Variants in PARD3B observed in about 807,000 individuals in gnomAD.
The protein encoded by PARD3B is par-3 family cell polarity regulator beta.
A neutral mutation model predicts 130.2 loss-of-function variants in PARD3B; 103 were observed. The ratio of observed to expected loss-of-function variants is 0.79; its 90% CI spans 0.67 to 0.93. The LOEUF (loss-of-function observed/expected upper bound fraction) is 0.93, where lower values mean the gene tolerates loss of function less well. Ranked by LOEUF, PARD3B falls within the 40% of genes least tolerant of loss-of-function variation. PARD3B has a pLI of 0.00. For missense variants in PARD3B, 1,609 were observed against 1,499.2 expected (o/e 1.07, Z -1.21); for synonymous variants, 583 against 553.2 (o/e 1.05, Z -0.76).
intron 2 of PARD3B, among the ~76,000 whole-genome samples, chr2:204,938,128 A>T (rs1312825682): frequency 6.6e-6 from 1 of 152,172 alleles, no homozygotes; most frequent in Admixed American, 6.5e-5. Context: ...GTCTGGCTGG[A>T]TGTCCAGATT....
At chr2:204,558,424 A>G (rs572228504) in intron 1 of PARD3B, among the ~76,000 whole-genome samples, 316 of 152,340 alleles carry the variant, frequency 2.1e-3, no homozygotes, top group Non-Finnish European at 2.9e-3. Flanking sequence ...CCAAATCATG[A>G]GTGAACTCCC....
intron 2 of PARD3B, among the ~76,000 whole-genome samples, chr2:204,879,251 G>A (rs2045953088): frequency 1.3e-5 from 2 of 152,164 alleles, no homozygotes. Flanking sequence ...CATCTCAGAT[G>A]ACAGGTCAAG....
At chr2:204,796,395 C>T (rs1299889815) in intron 2 of PARD3B, among the ~76,000 whole-genome samples, 1 of 152,218 alleles carries the variant, frequency 6.6e-6, no homozygotes, top group African/African-American at 2.4e-5. Context: ...GAAAATGCCA[C>T]AGTCAGAAAG....
chr2:205,559,019 C>T (rs1409166832), intron 22 of PARD3B, among the ~76,000 whole-genome samples: 2 of 152,136 alleles, frequency 1.3e-5, no homozygotes, highest in African/African-American at 2.4e-5. Flanking sequence ...AACATAAGGC[C>T]ATGTATACAG....
rs1159173231 is a variant in PARD3B at position 205,401,024 on chromosome 2, A to G, written c.2642A>G (p.Lys881Arg). 6.9e-6 allele frequency: 11 copies of G among 1,597,796 alleles called. No homozygotes were observed. The Middle Eastern group carries it at 1.5e-3, about 217-fold the overall frequency. The change falls in exon 19 of 23, where the codon AAG becomes AGG. Residue 881 changes from lysine to arginine, a missense_variant. Transcript: ENST00000406610. ...TCACGTTTCACTAGATTTGGAAAGAAGAAAGAGGATAAGGGTGGAAAGGCT... is the reference window on the plus strand; with the variant it reads ...TCACGTTTCACTAGATTTGGAAAGAGGAAAGAGGATAAGGGTGGAAAGGCT... ...GFGAMLRFGK[K>R]KEDKGGKAEQ...
chr2:205,474,523 A>G (rs906965089), intron 20 of PARD3B, among the ~76,000 whole-genome samples: 1 of 152,306 alleles, frequency 6.6e-6, no homozygotes, highest in South Asian at 2.1e-4. Context: ...TTAAGGTTGC[A>G]TGATAACTGT....
At chr2:205,476,449 A>C (rs1268776955) in intron 20 of PARD3B, among the ~76,000 whole-genome samples, 2 of 152,134 alleles carry the variant, frequency 1.3e-5, no homozygotes, top group Non-Finnish European at 2.9e-5. Flanking sequence ...TAAATTTCTG[A>C]GTAGCCTGTT....
rs961332835 is a variant in PARD3B, at chr2:205,522,590, T to G, written c.3180+22559T>G. Among the ~76,000 whole-genome samples the G allele has an allele frequency of 1.1e-4, 17 of 152,022 alleles. 2 individuals are homozygous for G. The highest frequency in any genetic ancestry group is 4.1e-4 in the African/African-American group (17 of 41,480). On this transcript the variant is annotated intron_variant, in intron 21 of 22. Transcript: ENST00000406610. ...TACTTACTGAGTTCCTATAGTATTA[T>G]AATTCCAGGCACCATGAAGGTGCTG...
chr2:205,364,252 A>G (rs1280929177), intron 18 of PARD3B, among the ~76,000 whole-genome samples: 1 of 152,216 alleles, frequency 6.6e-6, no homozygotes, highest in Non-Finnish European at 1.5e-5. Flanking sequence ...CTGAAGTCCC[A>G]TAGCTTAGTG....
chr2:204,886,934 C>T (rs2046289382), intron 2 of PARD3B, among the ~76,000 whole-genome samples: 1 of 152,142 alleles, frequency 6.6e-6, no homozygotes. Flanking sequence ...ACCATGACTG[C>T]CTAACAGTCA....
At chr2:204,777,260 T>G (rs1459589872) in intron 2 of PARD3B, among the ~76,000 whole-genome samples, 3 of 152,166 alleles carry the variant, frequency 2.0e-5, no homozygotes, top group Non-Finnish European at 2.9e-5. Context: ...GAGCTAGAAC[T>G]CATTTAAATA....
Position 205,572,109 on chromosome 2 carries a change from G to A in PARD3B, c.3260+18706G>A, listed in dbSNP as rs545266829. On this transcript the variant is annotated intron_variant, in intron 22 of 22. Transcript: ENST00000406610. This position sits in a 1 kb window ranked among gnomAD's most constrained non-coding sequence, Gnocchi z 4.2. ...CTTCATTTATTGATTCATTCATTCAGTAAACTTTTACATAAATACTACTAT... is the reference window on the plus strand; with the variant it reads ...CTTCATTTATTGATTCATTCATTCAATAAACTTTTACATAAATACTACTAT... 1.3e-5 allele frequency among the ~76,000 whole-genome samples: 2 copies of A among 152,272 alleles called. No individual in the cohort carries two copies. Among genetic ancestry groups the A allele is most frequent in the African/African-American group, 4.8e-5 (2 of 41,564 alleles).
chr2:204,813,189 C>T (rs2043024295), intron 2 of PARD3B, among the ~76,000 whole-genome samples: 1 of 152,186 alleles, frequency 6.6e-6, no homozygotes, highest in Non-Finnish European at 1.5e-5. Context: ...GTTCCAGTTA[C>T]TATACTTCCT....
Position 204,984,081 on chromosome 2 carries a change from G to A in PARD3B, c.394+18758G>A, listed in dbSNP as rs921466570. The stretch of plus-strand genomic sequence containing the variant: ...AGCCAAATACTAAGAGAATAGAGGT[G>A]GAGTTTTGCCTTCCCTGCATCTATA... On this transcript the variant is annotated intron_variant, in intron 3 of 22. Coordinates refer to ENST00000406610, the MANE Select transcript of PARD3B (RefSeq NM_001302769.2). Among the ~76,000 whole-genome samples the A allele has an allele frequency of 2.0e-5, 3 of 151,926 alleles. No homozygotes were observed. In the South Asian group the frequency reaches 6.3e-4, roughly 32 times the overall value.
At chr2:204,963,935 G>A (rs1427046123) in intron 2 of PARD3B, among the ~76,000 whole-genome samples, 3 of 152,120 alleles carry the variant, frequency 2.0e-5, no homozygotes, top group South Asian at 2.1e-4. Context: ...TTTGAATGGC[G>A]AATTTGCATA....
At chr2:204,581,455 A>ATT (rs575124079) in intron 1 of PARD3B, among the ~76,000 whole-genome samples, 3 of 150,198 alleles carry the variant, frequency 2.0e-5, no homozygotes, top group African/African-American at 4.9e-5. Context: ...GGTTATATGG[A>ATT]TTTTTTTTTT....
At chr2:205,193,135 A>T in intron 14 of PARD3B, 70 bp from the exon 15 acceptor site, 2 of 1,098,818 alleles carry the variant, frequency 1.8e-6, no homozygotes, top group Non-Finnish European at 2.8e-6. Flanking sequence ...GTTCAAAATG[A>T]GAACTGCTTC....
At chr2:205,134,468 T>A (rs1444382309) in intron 10 of PARD3B, among the ~76,000 whole-genome samples, 1 of 101,104 alleles carries the variant, frequency 9.9e-6, no homozygotes, top group Non-Finnish European at 2.0e-5. Context: ...GAGGCTGTAG[T>A]GAACCAAGAT....
Position 204,746,666 on chromosome 2 carries a change from C to T in PARD3B, c.222+60384C>T, listed in dbSNP as rs561114214. On this transcript the variant is annotated intron_variant, in intron 2 of 22. Coordinates refer to ENST00000406610, the MANE Select transcript of PARD3B (RefSeq NM_001302769.2). ...TGTTGTTTCCTGACTTTTTAATGAT[C>T]GCCATTCTAACTGGTGTGAGATGGT... Among the ~76,000 whole-genome samples the T allele has an allele frequency of 2.1e-4, 32 of 152,088 alleles. 1 individual carries two copies. Among genetic ancestry groups the T allele is most frequent in the East Asian group, 9.7e-4 (5 of 5,160 alleles).
Sources: gnomAD v4.1 joint callset for allele counts (sites outside exome capture counted in the v4.1 genomes callset) on GRCh38, gnomAD v4.1.1 for gene constraint, Gnocchi (gnomAD v3.1) non-coding constraint, MANE v1.5 for transcripts, NCBI Gene and HGNC (gene_info 2026-07-23, HGNC 2026-07-21) for gene names.